The following L3MBTL4 variants were observed in gnomAD, a reference collection of about 807,000 sequenced individuals.
The protein encoded by L3MBTL4 is lethal(3)malignant brain tumor-like protein 4.
L3MBTL4 carries 70 observed loss-of-function variants against 84.5 expected under a neutral mutation model. The ratio of observed to expected loss-of-function variants is 0.83; its 90% CI spans 0.68 to 1.01. L3MBTL4 has a LOEUF of 1.01. Among genes scored for constraint, L3MBTL4 ranks in the 50% least tolerant of loss-of-function variants. The probability of loss-of-function intolerance (pLI) is 0.00; values close to 1 mark genes in which losing one functional copy is unlikely to be tolerated. For missense variants in L3MBTL4, 715 were observed against 754.8 expected (o/e 0.95, Z 0.62); for synonymous variants, 274 against 259.8 (o/e 1.05, Z -0.52).
chr18:6,118,208 A>AACACACACACAC (rs60207558), intron 14 of L3MBTL4, among the ~76,000 whole-genome samples: 74 of 141,856 alleles, frequency 5.2e-4, no homozygotes, highest in African/African-American at 1.7e-3. Flanking sequence ...AACACACACA[A>AACACACACACAC]ACACACACAC....
intron 1 of L3MBTL4, among the ~76,000 whole-genome samples, chr18:6,319,498 AAC>A (rs1028807047): frequency 2.6e-5 from 4 of 152,160 alleles, no homozygotes; most frequent in African/African-American, 9.6e-5. Flanking sequence ...GACTACTGTT[AAC>A]ACCTCTATGT....
At chr18:6,002,416 AATTTTGGTTCGTC>A (rs1450791984) in intron 16 of L3MBTL4, among the ~76,000 whole-genome samples, 1 of 152,188 alleles carries the variant, frequency 6.6e-6, no homozygotes, top group Non-Finnish European at 1.5e-5. Context: ...GTATTACTGT[AATTTTGGTTCGTC>A]ACTTTGCTTC....
chr18:5,995,505 G>T (rs1042406488), intron 16 of L3MBTL4, among the ~76,000 whole-genome samples: 1 of 152,154 alleles, frequency 6.6e-6, no homozygotes, highest in African/African-American at 2.4e-5. Flanking sequence ...TCCAGCCAAG[G>T]TTATCGTGAA....
chr18:6,370,087 T>C (rs2054094026), intron 1 of L3MBTL4, among the ~76,000 whole-genome samples: 1 of 138,932 alleles, frequency 7.2e-6, no homozygotes, highest in South Asian at 2.2e-4. Flanking sequence ...TGAGCAGAGA[T>C]CATGCCACTG....
intron 1 of L3MBTL4, among the ~76,000 whole-genome samples, chr18:6,398,492 C>A (rs1412687031): frequency 2.0e-5 from 3 of 152,140 alleles, no homozygotes; most frequent in Non-Finnish European, 4.4e-5. Context: ...GGCATAGGGC[C>A]TCTCTGGGGA....
intron 16 of L3MBTL4, among the ~76,000 whole-genome samples, chr18:5,972,157 GGGCTTGTGTCTGTTTACA>G (rs1173286667): frequency 6.6e-6 from 1 of 152,156 alleles, no homozygotes; most frequent in Non-Finnish European, 1.5e-5. Flanking sequence ...CTAGGCATAA[GGGCTTGTGTCTGTTTACA>G]GGCAACCTCA....
chr18:6,382,456 T>A (rs372484348), intron 1 of L3MBTL4, among the ~76,000 whole-genome samples: 8 of 152,198 alleles, frequency 5.3e-5, no homozygotes, highest in African/African-American at 9.6e-5. Flanking sequence ...TTTCTCCCCA[T>A]CTTTGTGGAT....
intron 12 of L3MBTL4, among the ~76,000 whole-genome samples, chr18:6,197,332 C>T (rs1437660176): frequency 6.6e-6 from 1 of 152,184 alleles, no homozygotes; most frequent in Non-Finnish European, 1.5e-5. Flanking sequence ...TCTCATTGTT[C>T]AGCTCCCACG....
intron 1 of L3MBTL4, among the ~76,000 whole-genome samples, chr18:6,358,256 CT>C: frequency 6.6e-6 from 1 of 152,200 alleles, no homozygotes; most frequent in Admixed American, 6.6e-5. Flanking sequence ...GATGAAAAAG[CT>C]TTTTTGGAAG....
chr18:6,010,717 AATTT>A (rs755770486), intron 16 of L3MBTL4, among the ~76,000 whole-genome samples: 1 of 152,162 alleles, frequency 6.6e-6, no homozygotes, highest in East Asian at 1.9e-4. Flanking sequence ...GAAGAAGTCT[AATTT>A]ATTTATTTAT....
chr18:6,121,722 G>GTGTGTGTA lies in L3MBTL4; in HGVS notation c.1199+16471_1199+16472insTACACACA, dbSNP rs1555660828. Among the ~76,000 whole-genome samples, 1,258 of 143,628 alleles carry GTGTGTGTA rather than the reference G, an allele frequency of 8.8e-3. 12 individuals carry two copies. The highest frequency in any genetic ancestry group is 0.028 in the African/African-American group (1,080 of 38,036). 94.2% of individuals were successfully genotyped at this position (143,628 alleles called of 152,430 possible). A position where few individuals can be genotyped will look rare whatever the true frequency, so the allele number is the denominator to read the frequency against. On this transcript the variant is annotated intron_variant, in intron 14 of 18. Coordinates refer to ENST00000317931, the MANE Select transcript of L3MBTL4 (RefSeq NM_001330559.2). ...TGTGTGTGTGTGTGTGTGTGTGTAT[G>GTGTGTGTA]TGTGTGTGCATGTTTGTATTTTGGA...
intron 16 of L3MBTL4, among the ~76,000 whole-genome samples, chr18:5,975,540 G>A (rs1180499063): frequency 6.6e-6 from 1 of 152,166 alleles, no homozygotes; most frequent in Non-Finnish European, 1.5e-5. Context: ...CTTTTCAGCT[G>A]GGAACGTTGT....
At chr18:6,211,364 G>T (rs1479804196) in intron 12 of L3MBTL4, among the ~76,000 whole-genome samples, 2 of 152,110 alleles carry the variant, frequency 1.3e-5, no homozygotes, top group African/African-American at 2.4e-5. Context: ...TCTATTATGT[G>T]CTGGGATAAA....
At chr18:6,147,225 A>G (rs2042694336) in intron 13 of L3MBTL4, among the ~76,000 whole-genome samples, 1 of 152,164 alleles carries the variant, frequency 6.6e-6, no homozygotes, top group Admixed American at 6.5e-5. Context: ...AGAAGATTTA[A>G]TGAAATAATT....
chr18:6,156,614 G>A (rs2043115250), intron 13 of L3MBTL4, among the ~76,000 whole-genome samples: 1 of 152,162 alleles, frequency 6.6e-6, no homozygotes, highest in Admixed American at 6.5e-5. Flanking sequence ...GTGAACTCAG[G>A]ATCTCTACTC....
chr18:6,034,549 G>A (rs1235664110), intron 16 of L3MBTL4, among the ~76,000 whole-genome samples: 2 of 152,096 alleles, frequency 1.3e-5, no homozygotes, highest in African/African-American at 4.8e-5. Context: ...GTCTATCATT[G>A]TTGGACATTT....
chr18:5,989,967 G>T (rs962609158), intron 16 of L3MBTL4, among the ~76,000 whole-genome samples: 28 of 152,198 alleles, frequency 1.8e-4, no homozygotes, highest in African/African-American at 6.3e-4. Flanking sequence ...TACTCTGGTT[G>T]GGGGCAAAGA....
intron 14 of L3MBTL4, among the ~76,000 whole-genome samples, chr18:6,101,867 T>C (rs945131980): frequency 6.6e-6 from 1 of 152,216 alleles, no homozygotes; most frequent in Non-Finnish European, 1.5e-5. Context: ...TTCCTTCCAC[T>C]TGTTATAAAT....
intron 16 of L3MBTL4, among the ~76,000 whole-genome samples, chr18:5,986,672 G>A (rs1321627341): frequency 6.6e-6 from 1 of 152,194 alleles, no homozygotes; most frequent in Non-Finnish European, 1.5e-5. Context: ...CCCTATATTG[G>A]GGAACTGCCT....
Sources: gnomAD v4.1 joint callset for allele counts (sites outside exome capture counted in the v4.1 genomes callset) on GRCh38, gnomAD v4.1.1 for gene constraint, MANE v1.5 for transcripts, NCBI Gene and HGNC (gene_info 2026-07-23, HGNC 2026-07-21) for gene names.